TECRL: variants seen among roughly 807,000 people sequenced by gnomAD.
TECRL encodes the protein trans-2,3-enoyl-CoA reductase like.
Under a neutral mutation model 52.8 loss-of-function variants are expected in TECRL, and 63 were observed. The observed-to-expected ratio is 1.19, with a 90% CI of 0.97 to 1.47. The LOEUF is 1.47. TECRL is among the 40% of genes most tolerant of loss of function. The probability of loss-of-function intolerance (pLI) is 0.00; values close to 1 mark genes in which losing one functional copy is unlikely to be tolerated. For missense variants in TECRL, 482 were observed against 429.6 expected (o/e 1.12, Z -1.08); for synonymous variants, 164 against 141.9 (o/e 1.16, Z -1.10).
In TECRL at chr4:64,279,865, T is replaced by C; in HGVS notation, c.*207A>G. ...TCCCATGCAAATACATTCAGAGCTG[T>C]TCTTAGTTAATTGCATTTATAATTT... On this transcript the variant is annotated 3_prime_UTR_variant, in exon 12 of 12. Transcript: ENST00000381210. The C allele has an allele frequency of 9.0e-7, 1 of 1,113,454 alleles. No homozygotes were observed. The highest frequency in any genetic ancestry group is 1.1e-6 in the Non-Finnish European group (1 of 912,514). The allele number at this position is 1,113,454 out of a possible 1,614,324, so 69.0% of individuals were successfully genotyped here. A position where few individuals can be genotyped will look rare whatever the true frequency, so the allele number is the denominator to read the frequency against.
chr4:64,334,027 T>G (rs1161045319), intron 2 of TECRL, among the ~76,000 whole-genome samples: 1 of 5,828 alleles, frequency 1.7e-4, no homozygotes, highest in Non-Finnish European at 1.6e-3. Context: ...CGAGACTCCG[T>G]CTCAAAAAAA....
At chr4:64,337,293 A>G (rs561711965) in intron 2 of TECRL, among the ~76,000 whole-genome samples, 1 of 152,256 alleles carries the variant, frequency 6.6e-6, no homozygotes, top group East Asian at 1.9e-4. Flanking sequence ...AATAAGAGCT[A>G]TTTATGACAA....
chr4:64,313,996 A>G (rs957941100), intron 5 of TECRL, among the ~76,000 whole-genome samples: 7 of 144,416 alleles, frequency 4.8e-5, no homozygotes, highest in African/African-American at 1.8e-4. Flanking sequence ...AAAAAAAAAA[A>G]AAAATTAGCT....
At chr4:64,337,751 C>A (rs956511205) in intron 2 of TECRL, among the ~76,000 whole-genome samples, 10 of 152,124 alleles carry the variant, frequency 6.6e-5, no homozygotes, top group African/African-American at 2.4e-4. Flanking sequence ...AGGAGAACTA[C>A]AAACCACTGC....
intron 1 of TECRL, among the ~76,000 whole-genome samples, chr4:64,398,753 G>A (rs1018082441): frequency 3.9e-5 from 6 of 152,190 alleles, no homozygotes; most frequent in African/African-American, 1.4e-4. Context: ...ACAGGTAGAG[G>A]TTGGAAGAGT....
intron 4 of TECRL, among the ~76,000 whole-genome samples, chr4:64,319,948 G>A (rs572319331): frequency 2.0e-5 from 3 of 151,984 alleles, no homozygotes; most frequent in Admixed American, 1.3e-4. Context: ...AGGAAAAAGT[G>A]TATGTAAGTA....
At chr4:64,378,976 C>T (rs979605651) in intron 1 of TECRL, among the ~76,000 whole-genome samples, 9 of 151,638 alleles carry the variant, frequency 5.9e-5, no homozygotes, top group African/African-American at 1.9e-4. Flanking sequence ...TATGCATACA[C>T]ACATATCCTG....
At chr4:64,404,175 T>C (rs991612596) in intron 1 of TECRL, among the ~76,000 whole-genome samples, 85 of 151,054 alleles carry the variant, frequency 5.6e-4, no homozygotes, top group African/African-American at 2.0e-3. Context: ...TTGAATGCTT[T>C]ATTTTATTCA....
At chr4:64,366,704 A>G (rs1158788400) in intron 2 of TECRL, among the ~76,000 whole-genome samples, 1 of 152,156 alleles carries the variant, frequency 6.6e-6, no homozygotes, top group South Asian at 2.1e-4. Flanking sequence ...TGAATTAACA[A>G]TCTCACACCA....
chr4:64,283,525 T>C (rs918143209), intron 9 of TECRL, among the ~76,000 whole-genome samples: 4 of 151,994 alleles, frequency 2.6e-5, no homozygotes, highest in African/African-American at 9.7e-5. Context: ...TTGAAAACAA[T>C]ATTCTATCTG....
intron 2 of TECRL, among the ~76,000 whole-genome samples, chr4:64,348,389 C>T (rs569124786): frequency 6.6e-6 from 1 of 152,268 alleles, no homozygotes; most frequent in Non-Finnish European, 1.5e-5. Flanking sequence ...CTCCCGCCCT[C>T]AACATGTGAG....
At chr4:64,277,382 T>C (rs1163802980), downstream of TECRL, among the ~76,000 whole-genome samples, 2 of 151,946 alleles carry the variant, frequency 1.3e-5, no homozygotes, top group African/African-American at 4.8e-5. Flanking sequence ...GCATTAGGTA[T>C]ATATGATTTA....
intron 6 of TECRL, among the ~76,000 whole-genome samples, chr4:64,307,930 T>C (rs1007327023): frequency 6.6e-6 from 1 of 152,086 alleles, no homozygotes; most frequent in Admixed American, 6.6e-5. Context: ...AATGATAATA[T>C]GGGAAGATGG....
intron 3 of TECRL, among the ~76,000 whole-genome samples, chr4:64,323,776 A>G (rs1039494009): frequency 2.6e-5 from 4 of 152,188 alleles, no homozygotes; most frequent in African/African-American, 9.6e-5. Context: ...AGGTAAAGAC[A>G]GTTAGATTTT....
intron 1 of TECRL, among the ~76,000 whole-genome samples, chr4:64,388,623 A>G (rs1254449459): frequency 1.3e-5 from 2 of 151,914 alleles, no homozygotes; most frequent in Middle Eastern, 3.2e-3. Flanking sequence ...AGGAATTGAC[A>G]TCTTGAAAAT....
intron 11 of TECRL, 55 bp downstream of exon 11, chr4:64,280,986 A>G (rs1442227957): frequency 2.2e-6 from 3 of 1,345,968 alleles, no homozygotes; most frequent in Non-Finnish European, 2.1e-6. Flanking sequence ...CTCAGAAACC[A>G]TTTATCTTAA....
intron 5 of TECRL, among the ~76,000 whole-genome samples, chr4:64,310,889 T>G (rs1166852440): frequency 6.6e-6 from 1 of 152,130 alleles, no homozygotes; most frequent in Non-Finnish European, 1.5e-5. Context: ...CGGCTAATTT[T>G]TTTGTATTTT....
intron 8 of TECRL, among the ~76,000 whole-genome samples, chr4:64,292,165 T>C (rs1723427294): frequency 6.6e-6 from 1 of 152,002 alleles, no homozygotes; most frequent in African/African-American, 2.4e-5. Context: ...TATTACTGAT[T>C]ATAATTGCAG....
chr4:64,386,274 A>G (rs958205405), intron 1 of TECRL, among the ~76,000 whole-genome samples: 1 of 152,162 alleles, frequency 6.6e-6, no homozygotes, highest in African/African-American at 2.4e-5. Context: ...GCTAGAGAAA[A>G]GACAATATTA....
Sources: allele counts gnomAD v4.1 joint callset (sites outside exome capture counted in the v4.1 genomes callset), GRCh38; gene constraint gnomAD v4.1.1; transcripts MANE v1.5; gene names NCBI Gene and HGNC (gene_info 2026-07-23, HGNC 2026-07-21).